The following KRTAP1-5 variants were observed in gnomAD, a reference collection of about 807,000 sequenced individuals.
KRTAP1-5 encodes the protein keratin-associated protein 1-5.
KRTAP1-5 carries 10 observed loss-of-function variants against 14.2 expected under a neutral mutation model. The ratio of observed to expected loss-of-function variants is 0.70; its 90% confidence interval spans 0.43 to 1.19. The LOEUF (loss-of-function observed/expected upper bound fraction) is 1.19, where lower values mean the gene tolerates loss of function less well. Among genes scored for constraint, KRTAP1-5 ranks in the 50% most tolerant of loss-of-function variants. The pLI is 0.00. For missense variants in KRTAP1-5, 234 were observed against 223.5 expected, an observed-to-expected ratio of 1.05 and a Z score of -0.30; for synonymous variants, 107 against 80.2, an observed-to-expected ratio of 1.33 and a Z score of -1.79.
In KRTAP1-5 at chr17:41,026,352, C is replaced by A. The variant is rs948875778; in HGVS notation, c.*279G>T. The A allele has an allele frequency of 7.0e-6, 3 of 428,330 alleles. No homozygotes were observed. The highest frequency in any genetic ancestry group is 3.9e-5 in the Admixed American group (1 of 25,938). The allele number at this position is 428,330 out of a possible 1,614,324, so 26.5% of individuals were successfully genotyped here. A position where few individuals can be genotyped will look rare whatever the true frequency, so the allele number is the denominator to read the frequency against. ...TAGTTCTCATGGATAAATTCCACAA[C>A]ATGTCAGTAATTTTTAATCCTGCAG... On this transcript the variant is annotated 3_prime_UTR_variant, in exon 1 of 1. Transcript: ENST00000361883.
chr17:41,026,923 G>A lies in KRTAP1-5; in HGVS notation c.233C>T (p.Thr78Ile), dbSNP rs374402403. The A allele has an allele frequency of 4.4e-5, 71 of 1,612,212 alleles. No individual in the cohort carries two copies. The highest frequency in any genetic ancestry group is 5.8e-5 in the Non-Finnish European group (68 of 1,179,662). The change falls in exon 1 of 1, where the codon ACC becomes ATC. Residue 78 changes from threonine to isoleucine, a missense_variant. Physicochemically the swap from Thr to Ile is moderately conservative, Grantham distance 89. Coordinates refer to ENST00000361883, the MANE Select transcript of KRTAP1-5 (RefSeq NM_031957.2). The part of the protein sequence containing the change: ...TSCCQPSCCE[T>I]SCCQPSCCQI... ...GCAGCAGCTTGGCTGGCAGCAGCTG[G>A]TCTCACAGCAGCTTGGCTGGCAGCA...
At position 41,026,894 on chromosome 17, in the gene KRTAP1-5, T is replaced by C; in HGVS notation, c.262A>G (p.Ile88Val). The C allele has an allele frequency of 6.2e-7, 1 of 1,612,942 alleles. No homozygotes were observed. The highest frequency in any genetic ancestry group is 8.5e-7 in the Non-Finnish European group (1 of 1,179,960). The change falls in exon 1 of 1, where the codon ATC becomes GTC. Residue 88 changes from isoleucine (I) to valine (V), a missense_variant. By Grantham distance (29) the Ile-to-Val change is conservative (BLOSUM62 3). Transcript: ENST00000361883. ...CCACAGCCAGTTCCGCAGGAGCTGATCTGGCAGCAGCTTGGCTGGCAGCAG... is the reference window on the plus strand; with the variant it reads ...CCACAGCCAGTTCCGCAGGAGCTGACCTGGCAGCAGCTTGGCTGGCAGCAG... ...TSCCQPSCCQISSCGTGCGIG... is the reference protein window; with the variant it reads ...TSCCQPSCCQVSSCGTGCGIG...
rs1194215397 is a variant in KRTAP1-5, at chr17:41,027,196, G to A, written c.-41C>T. ...GTTAAGAGTTAGGTTGCTTGGAGGA[G>A]TTTCTGAGGTTTGGTGGTGACTTCC... On this transcript the variant is annotated 5_prime_UTR_variant, in exon 1 of 1. Transcript: ENST00000361883. The A allele has an allele frequency of 4.4e-6, 7 of 1,599,880 alleles. No homozygotes were observed. In the African/African-American group the frequency reaches 8.0e-5, roughly 18 times the overall value.
In KRTAP1-5 at chr17:41,026,384, C is replaced by A. The variant is rs2012323732; in HGVS notation, c.*247G>T. On this transcript the variant is annotated 3_prime_UTR_variant, in exon 1 of 1. Coordinates refer to ENST00000361883, the MANE Select transcript of KRTAP1-5 (RefSeq NM_031957.2). Reference sequence around the variant, plus strand: ...GTAATTTTTAATCCTGCAGAAATATCAGAAATAGTATATCCCAAGCAAATT... The same window carrying A: ...GTAATTTTTAATCCTGCAGAAATATAAGAAATAGTATATCCCAAGCAAATT... 3 of 462,680 alleles carry A rather than the reference C, an allele frequency of 6.5e-6. No homozygotes were observed. The highest frequency in any genetic ancestry group is 1.2e-5 in the Non-Finnish European group (3 of 260,136). 28.7% of individuals were successfully genotyped at this position (462,680 alleles called of 1,614,324 possible).
chr17:41,026,429 T>C lies in KRTAP1-5; in HGVS notation c.*202A>G. On this transcript the variant is annotated 3_prime_UTR_variant, in exon 1 of 1. Transcript: ENST00000361883. Reference sequence around the variant, plus strand: ...CAAATTGATGATCAGCAGGTGGCTTTGTAGCATTTCTGTGTCCCCAGTGAA... The same window carrying C: ...CAAATTGATGATCAGCAGGTGGCTTCGTAGCATTTCTGTGTCCCCAGTGAA... 1.8e-6 allele frequency: 1 copy of C among 559,200 alleles called. No individual in the cohort carries two copies. The highest frequency in any genetic ancestry group is 3.1e-6 in the Non-Finnish European group (1 of 321,342). 34.6% of individuals were successfully genotyped at this position (559,200 alleles called of 1,614,324 possible). A position where few individuals can be genotyped will look rare whatever the true frequency, so the allele number is the denominator to read the frequency against.
rs1321120080 is a variant in KRTAP1-5, at chr17:41,026,354, TGTCA to T, written c.*273_*276del. Reference sequence around the variant, plus strand: ...GTTCTCATGGATAAATTCCACAACATGTCAGTAATTTTTAATCCTGCAGAAATAT... The same window carrying T: ...GTTCTCATGGATAAATTCCACAACATGTAATTTTTAATCCTGCAGAAATAT... On this transcript the variant is annotated 3_prime_UTR_variant, in exon 1 of 1. Transcript: ENST00000361883. 2.3e-6 allele frequency: 1 copy of T among 431,176 alleles called. No homozygotes were observed. The highest frequency in any genetic ancestry group is 4.1e-6 in the Non-Finnish European group (1 of 243,220). The allele number at this position is 431,176 out of a possible 1,614,324, so 26.7% of individuals were successfully genotyped here. A position where few individuals can be genotyped will look rare whatever the true frequency, so the allele number is the denominator to read the frequency against.
chr17:41,026,813 G>C lies in KRTAP1-5; in HGVS notation c.343C>G (p.Arg115Gly). The C allele has an allele frequency of 6.2e-7, 1 of 1,612,766 alleles. No individual in the cohort carries two copies. Among genetic ancestry groups the C allele is most frequent in the African/African-American group, 1.3e-5 (1 of 74,968 alleles). The change falls in exon 1 of 1, where the codon CGT (arginine) becomes GGT (glycine). Residue 115 changes from arginine to glycine, a missense_variant. Physicochemically the swap from Arg to Gly is moderately radical, Grantham distance 125. Transcript: ENST00000361883. ...QEGSSGAVST[R>G]IRWCRPDSRV... ...CTGTCTGGGCGGCACCACCTGATAC[G>C]GGTGCTCACAGCTCCACTGCTGCCC...
Position 41,026,989 on chromosome 17 carries a change from C to A in KRTAP1-5, c.167G>T (p.Cys56Phe). 1 of 1,609,206 alleles carries A rather than the reference C, an allele frequency of 6.2e-7. No homozygotes were observed. Among genetic ancestry groups the A allele is most frequent in the Non-Finnish European group, 8.5e-7 (1 of 1,179,050 alleles). The change falls in exon 1 of 1, where the codon TGC becomes TTC. Residue 56 changes from cysteine (C) to phenylalanine (F), a missense_variant. Physicochemically the swap from Cys to Phe is radical, Grantham distance 205. Transcript: ENST00000361883. ...GCTTGGCTGGCAGCAACTGGAGCTG[C>A]AGGTCCCACTGGTTGAGAAGCTGGG... ...GFPSFSTSGTCSSSCCQPSCC... is the reference protein window; with the variant it reads ...GFPSFSTSGTFSSSCCQPSCC...
chr17:41,027,151 G>T lies in KRTAP1-5; in HGVS notation c.5C>A (p.Thr2Asn). The T allele has an allele frequency of 6.2e-7, 1 of 1,614,094 alleles. No individual in the cohort carries two copies. Among genetic ancestry groups the T allele is most frequent in the Non-Finnish European group, 8.5e-7 (1 of 1,179,886 alleles). The change falls in exon 1 of 1, where the codon ACC (threonine) becomes AAC (asparagine). Residue 2 changes from threonine to asparagine, a missense_variant. Thr to Asn is a moderately conservative substitution (Grantham distance 65, BLOSUM62 0). Coordinates refer to ENST00000361883, the MANE Select transcript of KRTAP1-5 (RefSeq NM_031957.2). M[T>N]CCQTSFCGYP... The stretch of plus-strand genomic sequence containing the variant: ...TCCACAGAAGCTGGTCTGGCAGCAG[G>T]TCATGGTGTCAGAAGTTGGGTTAAG...
Position 41,026,860 on chromosome 17 carries a change from C to A in KRTAP1-5, c.296G>T (p.Gly99Val). The change falls in exon 1 of 1, where the codon GGT becomes GTT. Residue 99 changes from glycine (G) to valine (V), a missense_variant. Physicochemically the swap from Gly to Val is moderately radical, Grantham distance 109 (BLOSUM62 -3). Coordinates refer to ENST00000361883, the MANE Select transcript of KRTAP1-5 (RefSeq NM_031957.2). Reference protein sequence around the residue: ...SSCGTGCGIGGGISYGQEGSS... With the variant: ...SSCGTGCGIGVGISYGQEGSS... ...GCCCTCCTGGCCATAGCTGATGCCA[C>A]CACCAATGCCACAGCCAGTTCCGCA... 2 of 1,612,622 alleles carry A rather than the reference C, an allele frequency of 1.2e-6. No homozygotes were observed. Among genetic ancestry groups the A allele is most frequent in the Non-Finnish European group, 1.7e-6 (2 of 1,179,980 alleles).
Position 41,026,536 on chromosome 17 carries a change from A to G in KRTAP1-5, c.*95T>C. On this transcript the variant is annotated 3_prime_UTR_variant, in exon 1 of 1. Coordinates refer to ENST00000361883, the MANE Select transcript of KRTAP1-5 (RefSeq NM_031957.2). Reference sequence around the variant, plus strand: ...AGTAGTCTCCATCACAAGCAATGCAAAGTCTGAGAACTTGTTAGTGGTCCA... The same window carrying G: ...AGTAGTCTCCATCACAAGCAATGCAGAGTCTGAGAACTTGTTAGTGGTCCA... 7.4e-7 allele frequency: 1 copy of G among 1,353,582 alleles called. No homozygotes were observed. The highest frequency in any genetic ancestry group is 2.3e-5 in the East Asian group (1 of 43,038). The allele number at this position is 1,353,582 out of a possible 1,614,324, so 83.8% of individuals were successfully genotyped here.
In KRTAP1-5 at chr17:41,026,235, T is replaced by A. The variant is rs1181515832; in HGVS notation, c.*396A>T. ...TCTCTGGTGACTTGAGGAATGTCAC[T>A]TGGCTATAATTTGGTGTCTTTGATG... On this transcript the variant is annotated 3_prime_UTR_variant, in exon 1 of 1. Transcript: ENST00000361883. 1 of 180,090 alleles carries A rather than the reference T, an allele frequency of 5.6e-6. No homozygotes were observed. Among genetic ancestry groups the A allele is most frequent in the Non-Finnish European group, 1.1e-5 (1 of 87,060 alleles). The allele number at this position is 180,090 out of a possible 1,614,324, so 11.2% of individuals were successfully genotyped here.
chr17:41,026,805 C>T lies in KRTAP1-5; in HGVS notation c.351G>A (p.Arg117=). 1 of 1,612,972 alleles carries T rather than the reference C, an allele frequency of 6.2e-7. No homozygotes were observed. Among genetic ancestry groups the T allele is most frequent in the Non-Finnish European group, 8.5e-7 (1 of 1,180,014 alleles). The part of the protein sequence containing the change: ...GSSGAVSTRI[R]WCRPDSRVEG... The stretch of plus-strand genomic sequence containing the variant: ...CCACACGACTGTCTGGGCGGCACCA[C>T]CTGATACGGGTGCTCACAGCTCCAC... Residue 117 remains arginine (R), a synonymous_variant, in exon 1 of 1, where the codon AGG becomes AGA. Coordinates refer to ENST00000361883, the MANE Select transcript of KRTAP1-5 (RefSeq NM_031957.2).
Position 41,026,789 on chromosome 17 carries a change from T to A in KRTAP1-5, c.367A>T (p.Ser123Cys), listed in dbSNP as rs763247789. Reference protein sequence around the residue: ...STRIRWCRPDSRVEGTYLPPC... With the variant: ...STRIRWCRPDCRVEGTYLPPC... The stretch of plus-strand genomic sequence containing the variant: ...GGTAGGTAGGTGCCCTCCACACGAC[T>A]GTCTGGGCGGCACCACCTGATACGG... The change falls in exon 1 of 1, where the codon AGT (serine) becomes TGT (cysteine). Residue 123 changes from serine (S) to cysteine (C), a missense_variant. By Grantham distance (112) the Ser-to-Cys change is moderately radical. Coordinates refer to ENST00000361883, the MANE Select transcript of KRTAP1-5 (RefSeq NM_031957.2). The A allele has an allele frequency of 3.7e-6, 6 of 1,613,060 alleles. No individual in the cohort carries two copies. Among genetic ancestry groups the A allele is most frequent in the African/African-American group, 2.7e-5 (2 of 74,880 alleles).
At position 41,027,126 on chromosome 17, in the gene KRTAP1-5, T is replaced by C. The variant is rs1168555248; in HGVS notation, c.30A>G (p.Gly10=). Reference sequence around the variant, plus strand: ...TCCCACTGATGGAGAAGCTGGGATATCCACAGAAGCTGGTCTGGCAGCAGG... The same window carrying C: ...TCCCACTGATGGAGAAGCTGGGATACCCACAGAAGCTGGTCTGGCAGCAGG... MTCCQTSFC[G]YPSFSISGTC... Residue 10 remains glycine, a synonymous_variant, in exon 1 of 1, where the codon GGA becomes GGG. Coordinates refer to ENST00000361883, the MANE Select transcript of KRTAP1-5 (RefSeq NM_031957.2). 2.5e-6 allele frequency: 4 copies of C among 1,614,126 alleles called. No homozygotes were observed. Among genetic ancestry groups the C allele is most frequent in the Non-Finnish European group, 3.4e-6 (4 of 1,180,020 alleles).
chr17:41,026,475 G>T lies in KRTAP1-5; in HGVS notation c.*156C>A. 1 of 791,744 alleles carries T rather than the reference G, an allele frequency of 1.3e-6. No individual in the cohort carries two copies. Among genetic ancestry groups the T allele is most frequent in the Non-Finnish European group, 2.0e-6 (1 of 506,488 alleles). The allele number at this position is 791,744 out of a possible 1,614,324, so 49.0% of individuals were successfully genotyped here. ...GTGAAGGGTCAAGGTATTCATTGTAGAATGGAATCAGATAGAATTGTGAGC... is the reference window on the plus strand; with the variant it reads ...GTGAAGGGTCAAGGTATTCATTGTATAATGGAATCAGATAGAATTGTGAGC... On this transcript the variant is annotated 3_prime_UTR_variant, in exon 1 of 1. Transcript: ENST00000361883.
chr17:41,027,169 G>T lies in KRTAP1-5; in HGVS notation c.-14C>A. 1 of 1,613,362 alleles carries T rather than the reference G, an allele frequency of 6.2e-7. No individual in the cohort carries two copies. The highest frequency in any genetic ancestry group is 8.5e-7 in the Non-Finnish European group (1 of 1,179,400). Reference sequence around the variant, plus strand: ...GCAGCAGGTCATGGTGTCAGAAGTTGGGTTAAGAGTTAGGTTGCTTGGAGG... The same window carrying T: ...GCAGCAGGTCATGGTGTCAGAAGTTTGGTTAAGAGTTAGGTTGCTTGGAGG... On this transcript the variant is annotated 5_prime_UTR_variant, in exon 1 of 1. Coordinates refer to ENST00000361883, the MANE Select transcript of KRTAP1-5 (RefSeq NM_031957.2).
In KRTAP1-5 at chr17:41,026,766, T is replaced by A. The variant is rs755675730; in HGVS notation, c.390A>T (p.Leu130=). The change falls in exon 1 of 1, where the codon CTA becomes CTT. Residue 130 remains leucine, a synonymous_variant. Transcript: ENST00000361883. Reference sequence around the variant, plus strand: ...TGCAGCTCACCACACAGCAGGGGGGTAGGTAGGTGCCCTCCACACGACTGT... The same window carrying A: ...TGCAGCTCACCACACAGCAGGGGGGAAGGTAGGTGCCCTCCACACGACTGT... ...RPDSRVEGTY[L]PPCCVVSCTP... is the part of the protein sequence containing the mutation. 21 of 1,613,162 alleles carry A rather than the reference T, an allele frequency of 1.3e-5. No individual in the cohort carries two copies. The highest frequency in any genetic ancestry group is 1.7e-5 in the Non-Finnish European group (20 of 1,179,926).
chr17:41,026,801 A>G lies in KRTAP1-5; in HGVS notation c.355T>C (p.Cys119Arg), dbSNP rs1363538027. The G allele has an allele frequency of 5.0e-6, 8 of 1,612,968 alleles. No individual in the cohort carries two copies. Among genetic ancestry groups the G allele is most frequent in the African/African-American group, 1.3e-5 (1 of 74,988 alleles). ...SGAVSTRIRW[C>R]RPDSRVEGTY... ...CCCTCCACACGACTGTCTGGGCGGC[A>G]CCACCTGATACGGGTGCTCACAGCT... Residue 119 changes from cysteine (C) to arginine (R), a missense_variant, in exon 1 of 1, where the codon TGC (cysteine) becomes CGC (arginine). By Grantham distance (180) the Cys-to-Arg change is radical. Coordinates refer to ENST00000361883, the MANE Select transcript of KRTAP1-5 (RefSeq NM_031957.2).
Sources: allele counts gnomAD v4.1 joint callset, GRCh38; gene constraint gnomAD v4.1.1; transcripts MANE v1.5; gene names NCBI Gene and HGNC (gene_info 2026-07-23, HGNC 2026-07-21).